Variants in FARS2 observed in about 807,000 individuals in gnomAD.
FARS2 encodes the protein phenylalanine--tRNA ligase, mitochondrial.
A neutral mutation model predicts 46.4 loss-of-function variants in FARS2; 40 were observed. The observed-to-expected ratio is 0.86, with a 90% CI of 0.67 to 1.12. The LOEUF is 1.12. Ranked by LOEUF, FARS2 falls within the 50% of genes most tolerant of loss-of-function variation. FARS2 has a pLI of 0.00. For synonymous variants in FARS2, 234 were observed against 214.9 expected, an observed-to-expected ratio of 1.09 and a Z score of -0.78; for missense variants, 513 against 567.9, an observed-to-expected ratio of 0.90 and a Z score of 0.98.
chr6:5,545,199 C>A lies in FARS2; in HGVS notation c.924C>A (p.Ile308=), dbSNP rs775382064. The change falls in exon 5 of 7, where the codon ATC becomes ATA. Residue 308 remains isoleucine (I), a synonymous_variant. Coordinates refer to ENST00000274680, the MANE Select transcript of FARS2 (RefSeq NM_006567.5). ...TCACAGCTGGTGCTCAAGACCGAAT[C>A]GGCTGGGCTTTTGGCCTAGGATTAG... ...LVNSAGAQDR[I]GWAFGLGLER... 1 of 1,613,756 alleles carries A rather than the reference C, an allele frequency of 6.2e-7. No individual in the cohort carries two copies. Among genetic ancestry groups the A allele is most frequent in the Non-Finnish European group, 8.5e-7 (1 of 1,179,808 alleles).
At chr6:5,585,794 A>G (rs1773583033) in intron 5 of FARS2, among the ~76,000 whole-genome samples, 2 of 152,024 alleles carry the variant, frequency 1.3e-5, no homozygotes, top group African/African-American at 2.4e-5. Context: ...ATATATGTCA[A>G]TTTCTTTATT....
intron 4 of FARS2, among the ~76,000 whole-genome samples, chr6:5,518,538 G>A (rs1344797859): frequency 1.3e-5 from 2 of 152,268 alleles, no homozygotes; most frequent in East Asian, 3.9e-4. Context: ...AGTATAGGAA[G>A]CAGAAATAGT....
chr6:5,493,207 C>G (rs1445030565), intron 4 of FARS2, among the ~76,000 whole-genome samples: 2 of 103,460 alleles, frequency 1.9e-5, no homozygotes, highest in East Asian at 2.3e-4. Flanking sequence ...GAGACTGTGT[C>G]TCAAAAAAAA....
At chr6:5,431,265 C>T (rs1582084299) in intron 4 of FARS2, 93 bp downstream of exon 4, 4 of 1,282,308 alleles carry the variant, frequency 3.1e-6, no homozygotes, top group Non-Finnish European at 3.3e-6. Flanking sequence ...TATTTACATA[C>T]TTCTATGCGG....
intron 6 of FARS2, among the ~76,000 whole-genome samples, chr6:5,723,895 G>A (rs540180694): frequency 6.6e-6 from 1 of 152,296 alleles, no homozygotes; most frequent in Admixed American, 6.5e-5. Flanking sequence ...CACAGCAGGC[G>A]GTCTCTGTTG....
chr6:5,474,010 T>G (rs1486065698), intron 4 of FARS2, among the ~76,000 whole-genome samples: 2 of 152,156 alleles, frequency 1.3e-5, no homozygotes, highest in Non-Finnish European at 2.9e-5. Context: ...TCCCTCCTGT[T>G]ACCAAATTTG....
chr6:5,258,396 AG>A, upstream of FARS2, among the ~76,000 whole-genome samples: 1 of 152,366 alleles, frequency 6.6e-6, no homozygotes, highest in Non-Finnish European at 1.5e-5. Context: ...GTTGCCTTAC[AG>A]GGTAATACAA....
At chr6:5,719,371 G>A (rs1226422791) in intron 6 of FARS2, among the ~76,000 whole-genome samples, 3 of 131,170 alleles carry the variant, frequency 2.3e-5, no homozygotes, top group Non-Finnish European at 4.7e-5. Context: ...GACAGAGTGA[G>A]GCAAGACCCT....
At chr6:5,389,037 T>A (rs1046083952) in intron 2 of FARS2, among the ~76,000 whole-genome samples, 2 of 152,232 alleles carry the variant, frequency 1.3e-5, no homozygotes, top group African/African-American at 4.8e-5. Context: ...CATCCACAGA[T>A]GTCAAAGAAT....
At chr6:5,284,754 C>A (rs1462654974) in intron 1 of FARS2, among the ~76,000 whole-genome samples, 1 of 152,162 alleles carries the variant, frequency 6.6e-6, no homozygotes, top group African/African-American at 2.4e-5. Context: ...GTTCTCCCTC[C>A]TCTTCTGTGA....
intron 6 of FARS2, among the ~76,000 whole-genome samples, chr6:5,758,507 G>A (rs561452627): frequency 2.1e-4 from 32 of 152,196 alleles, no homozygotes; most frequent in Non-Finnish European, 4.1e-4. Context: ...TTAGAGCCGT[G>A]AAGGGACTCG....
At chr6:5,624,323 T>G (rs4960114) in intron 6 of FARS2, among the ~76,000 whole-genome samples, 45,767 of 151,904 alleles carry the variant, frequency 0.3, 7,194 homozygotes, top group African/African-American at 0.38. Context: ...TAAATCACAG[T>G]TTGTTCAGTC....
intron 6 of FARS2, among the ~76,000 whole-genome samples, chr6:5,627,629 T>A (rs931142443): frequency 1.1e-4 from 16 of 152,226 alleles, no homozygotes; most frequent in African/African-American, 3.4e-4. Flanking sequence ...TTATACGTCT[T>A]TTCATCACTG....
intron 4 of FARS2, among the ~76,000 whole-genome samples, chr6:5,461,840 C>T (rs1055442780): frequency 3.9e-5 from 6 of 152,156 alleles, no homozygotes; most frequent in Non-Finnish European, 2.9e-5. Context: ...GCGTTTAGAT[C>T]CTTTACAGTT....
In FARS2 at chr6:5,652,056, T is replaced by A. The variant is rs554972468; in HGVS notation, c.1217+38736T>A. Reference sequence around the variant, plus strand: ...GAACAGGTAACAGTGTGAAAGGGGATCTGACAGGAGTCTCCGCATGCCCAC... The same window carrying A: ...GAACAGGTAACAGTGTGAAAGGGGAACTGACAGGAGTCTCCGCATGCCCAC... On this transcript the variant is annotated intron_variant, in intron 6 of 6. Coordinates refer to ENST00000274680, the MANE Select transcript of FARS2 (RefSeq NM_006567.5). Among the ~76,000 whole-genome samples the A allele has an allele frequency of 3.9e-5, 6 of 152,180 alleles. 1 individual carries two copies. Among genetic ancestry groups the A allele is most frequent in the African/African-American group, 1.4e-4 (6 of 41,524 alleles).
chr6:5,486,123 G>GCTTA (rs1330506649), intron 4 of FARS2, among the ~76,000 whole-genome samples: 2 of 152,200 alleles, frequency 1.3e-5, no homozygotes, highest in African/African-American at 4.8e-5. Flanking sequence ...AATATAAAGT[G>GCTTA]CTTAGCACAG....
chr6:5,390,071 C>T (rs1760403106), intron 2 of FARS2, among the ~76,000 whole-genome samples: 1 of 152,164 alleles, frequency 6.6e-6, no homozygotes, highest in Non-Finnish European at 1.5e-5. Flanking sequence ...ACCATGTTGG[C>T]CAGGCTGGTC....
chr6:5,315,939 T>C (rs1028691701), intron 1 of FARS2, among the ~76,000 whole-genome samples: 1 of 152,222 alleles, frequency 6.6e-6, no homozygotes, highest in African/African-American at 2.4e-5. Flanking sequence ...AAATGAGTTG[T>C]GCGTGAGGAA....
chr6:5,616,029 A>G (rs1048418284), intron 6 of FARS2, among the ~76,000 whole-genome samples: 1 of 151,046 alleles, frequency 6.6e-6, no homozygotes, highest in Non-Finnish European at 1.5e-5. Context: ...AAAAAAAAAA[A>G]AAAAAACAAC....
Sources: allele counts gnomAD v4.1 joint callset (sites outside exome capture counted in the v4.1 genomes callset), GRCh38; gene constraint gnomAD v4.1.1; transcripts MANE v1.5; gene names NCBI Gene and HGNC (gene_info 2026-07-23, HGNC 2026-07-21).